Variants in NBAS observed in about 807,000 individuals in gnomAD.
The protein encoded by NBAS is NAG/BC035112 fusion.
In NBAS, 219 loss-of-function variants were observed where a neutral mutation model predicts 302.5. The ratio of observed to expected loss-of-function variants is 0.72; its 90% confidence interval spans 0.65 to 0.81. The LOEUF (loss-of-function observed/expected upper bound fraction) is 0.81. NBAS is among the 30% of genes least tolerant of loss of function. The pLI is 0.00. For synonymous variants in NBAS, 1,118 were observed against 1,021.6 expected (o/e 1.09, Z -1.80); for missense variants, 2,932 against 2,841.6 (o/e 1.03, Z -0.72).
the NBAS span, among the ~76,000 whole-genome samples, chr2:15,114,264 A>C: frequency 6.6e-6 from 1 of 152,190 alleles, no homozygotes; most frequent in African/African-American, 2.4e-5. Context: ...CTAGAAATTC[A>C]AGATCAAAAT....
At chr2:15,056,817 C>T in the NBAS span, among the ~76,000 whole-genome samples, 3 of 147,354 alleles carry the variant, frequency 2.0e-5, no homozygotes, top group African/African-American at 7.7e-5. Context: ...CCTAATTTCC[C>T]TTTTCTTTTT....
chr2:15,010,750 A>G, the NBAS span, among the ~76,000 whole-genome samples: 1 of 152,210 alleles, frequency 6.6e-6, no homozygotes, highest in African/African-American at 2.4e-5. Flanking sequence ...GATTATCCCT[A>G]TTACATATAT....
the NBAS span, among the ~76,000 whole-genome samples, chr2:15,100,199 A>T: frequency 6.6e-6 from 1 of 152,210 alleles, no homozygotes; most frequent in Non-Finnish European, 1.5e-5. Flanking sequence ...TGATACTTAT[A>T]AAGAACTACT....
intron 44 of NBAS, among the ~76,000 whole-genome samples, chr2:15,263,179 T>C (rs896633728): frequency 3.3e-5 from 5 of 152,176 alleles, no homozygotes; most frequent in African/African-American, 1.2e-4. Flanking sequence ...CTCACTCTGT[T>C]GCTCAGGCTG....
At chr2:15,469,926 T>C (rs1679887424) in intron 16 of NBAS, among the ~76,000 whole-genome samples, 1 of 151,900 alleles carries the variant, frequency 6.6e-6, no homozygotes, top group African/African-American at 2.4e-5. Flanking sequence ...CCATGGCACA[T>C]GTATACATAT....
chr2:15,163,391 G>A (rs544698336), downstream of NBAS, among the ~76,000 whole-genome samples: 15 of 152,314 alleles, frequency 9.8e-5, no homozygotes, highest in South Asian at 3.1e-3. Flanking sequence ...CAAGAGATAA[G>A]AAGCCAGTGA....
chr2:14,949,495 A>T, the NBAS span, among the ~76,000 whole-genome samples: 1 of 152,204 alleles, frequency 6.6e-6, no homozygotes, highest in African/African-American at 2.4e-5. Flanking sequence ...AATGCTCAAC[A>T]TCACCAATCA....
intron 40 of NBAS, among the ~76,000 whole-genome samples, chr2:15,305,111 G>A (rs912365824): frequency 3.3e-5 from 5 of 152,086 alleles, no homozygotes; most frequent in African/African-American, 1.2e-4. Flanking sequence ...AGAGGCCAGA[G>A]GCAGAATGAT....
chr2:14,915,565 G>GT, the NBAS span, among the ~76,000 whole-genome samples: 85 of 151,808 alleles, frequency 5.6e-4, 2 homozygotes, highest in South Asian at 7.9e-3. Flanking sequence ...GATCTGATGG[G>GT]TTTTTTTTGT....
downstream of NBAS, among the ~76,000 whole-genome samples, chr2:15,163,215 G>A (rs1487988180): frequency 2.0e-5 from 3 of 152,220 alleles, no homozygotes; most frequent in African/African-American, 7.2e-5. Flanking sequence ...AGGGCGAAGA[G>A]AAGTGGAGTT....
intron 29 of NBAS, 106 bp from the exon 30 acceptor site, chr2:15,379,937 C>CT: frequency 9.8e-7 from 1 of 1,017,930 alleles, no homozygotes; most frequent in Non-Finnish European, 1.5e-6. Flanking sequence ...ACACATCCAC[C>CT]CTAGAGGTGG....
the NBAS span, among the ~76,000 whole-genome samples, chr2:14,849,419 A>G: frequency 6.6e-6 from 1 of 151,460 alleles, no homozygotes; most frequent in Admixed American, 6.6e-5. Flanking sequence ...TCCAAGAAAT[A>G]TGGGACTATG....
At chr2:14,970,914 T>A in the NBAS span, among the ~76,000 whole-genome samples, 6 of 152,174 alleles carry the variant, frequency 3.9e-5, no homozygotes, top group Admixed American at 3.9e-4. Context: ...TCACATAAGC[T>A]GGAGCAGTGC....
chr2:15,194,666 A>T (rs974166742), intron 48 of NBAS, among the ~76,000 whole-genome samples: 1 of 152,208 alleles, frequency 6.6e-6, no homozygotes, highest in African/African-American at 2.4e-5. Flanking sequence ...TTTTCCACAT[A>T]CATGTTCTAA....
At position 15,275,674 on chromosome 2, in the gene NBAS, G is replaced by A; in HGVS notation, c.5534C>T (p.Ser1845Phe). 1 of 1,614,200 alleles carries A rather than the reference G, an allele frequency of 6.2e-7. No homozygotes were observed. The highest frequency in any genetic ancestry group is 8.5e-7 in the Non-Finnish European group (1 of 1,180,042). The change falls in exon 44 of 52, where the codon TCT becomes TTT. Residue 1845 changes from serine (S) to phenylalanine (F), a missense_variant. By Grantham distance (155) the Ser-to-Phe change is radical. Transcript: ENST00000281513. ...EKDGQMLSPSSLYTIWLQKLF... is the reference protein window; with the variant it reads ...EKDGQMLSPSFLYTIWLQKLF... ...CTTCTGTAACCAGATGGTGTACAGA[G>A]AGCTTGGGGAAAGCATCTGTCCATC... is the stretch of plus-strand genomic sequence containing the variant.
At chr2:15,218,233 G>A (rs992709117) in intron 48 of NBAS, among the ~76,000 whole-genome samples, 3 of 152,148 alleles carry the variant, frequency 2.0e-5, no homozygotes, top group African/African-American at 7.2e-5. Context: ...GAAAAATAAT[G>A]TACACGTGTT....
the NBAS span, among the ~76,000 whole-genome samples, chr2:15,151,988 C>A: frequency 6.6e-6 from 1 of 152,138 alleles, no homozygotes; most frequent in Non-Finnish European, 1.5e-5. Context: ...GCTGGGACTA[C>A]AGGCAGTTGT....
intron 26 of NBAS, among the ~76,000 whole-genome samples, chr2:15,396,725 T>C (rs1455221342): frequency 8.6e-6 from 1 of 116,544 alleles, no homozygotes; most frequent in Non-Finnish European, 1.9e-5. Flanking sequence ...TTTGGTTCAG[T>C]TGTGCTTAAA....
the NBAS span, among the ~76,000 whole-genome samples, chr2:14,836,456 T>C: frequency 3.0e-4 from 45 of 152,048 alleles, no homozygotes; most frequent in Admixed American, 1.4e-3. Context: ...GGAATTGATT[T>C]TGCATATATC....
Sources: gnomAD v4.1 joint callset for allele counts (sites outside exome capture counted in the v4.1 genomes callset) on GRCh38, gnomAD v4.1.1 for gene constraint, MANE v1.5 for transcripts, NCBI Gene and HGNC (gene_info 2026-07-23, HGNC 2026-07-21) for gene names.